The following MGAT4C variants were observed in gnomAD, a reference collection of about 807,000 sequenced individuals.
MGAT4C encodes MGAT4 family member C, also known as alpha-1,3-mannosyl-glycoprotein 4-beta-N-acetylglucosaminyltransferase C.
A neutral mutation model predicts 40.1 loss-of-function variants in MGAT4C; 19 were observed. That is an observed-to-expected ratio of 0.47 (90% confidence interval 0.33 to 0.70). The LOEUF is 0.70. Ranked by LOEUF, MGAT4C falls within the 30% of genes least tolerant of loss-of-function variation. The pLI, the probability that MGAT4C is intolerant of heterozygous loss-of-function variation, is 0.02. For missense variants in MGAT4C, 491 were observed against 563.2 expected (o/e 0.87, Z 1.30); for synonymous variants, 181 against 187.1 (o/e 0.97, Z 0.27).
At chr12:86,401,449 T>G (rs1180309514) in intron 3 of MGAT4C, among the ~76,000 whole-genome samples, 3 of 152,134 alleles carry the variant, frequency 2.0e-5, no homozygotes, top group Non-Finnish European at 4.4e-5. Context: ...TTTTTCAATG[T>G]TACCATGTCA....
chr12:86,830,716 G>GAAACAAACAAAC (rs3050182), intron 1 of MGAT4C, among the ~76,000 whole-genome samples: 27 of 149,714 alleles, frequency 1.8e-4, no homozygotes, highest in Non-Finnish European at 3.1e-4. Context: ...GGCTCCTAAT[G>GAAACAAACAAAC]AAACAAACAA....
rs889250481 is a variant in MGAT4C at position 86,216,115 on chromosome 12, T to A, written c.-57+40124A>T. Among the ~76,000 whole-genome samples, 70 of 152,166 alleles carry A rather than the reference T, an allele frequency of 4.6e-4. 1 individual carries two copies. The highest frequency in any genetic ancestry group is 1.2e-3 in the African/African-American group (49 of 41,462). On this transcript the variant is annotated intron_variant, in intron 1 of 4. Transcript: ENST00000611864. ...TTTTCTGGGATACTGGCTAACTTTA[T>A]GTACAAAAATTATGAGCCCAGAATT... is the stretch of plus-strand genomic sequence containing the variant.
In MGAT4C at chr12:86,623,548, A is replaced by G. The variant is rs191157406; in HGVS notation, c.-229+103661T>C. ...TGGGCCAATATTTTAAAGAACTGACAGAAAACTACTAGTATTAATTTTTTT... is the reference window on the plus strand; with the variant it reads ...TGGGCCAATATTTTAAAGAACTGACGGAAAACTACTAGTATTAATTTTTTT... On this transcript the variant is annotated intron_variant, in intron 2 of 7. Transcript: ENST00000548651. Among the ~76,000 whole-genome samples, 460 of 152,312 alleles carry G rather than the reference A, an allele frequency of 3.0e-3. 2 individuals are homozygous for G. Among genetic ancestry groups the G allele is most frequent in the African/African-American group, 0.011 (439 of 41,578 alleles).
intron 2 of MGAT4C, among the ~76,000 whole-genome samples, chr12:86,643,149 T>C (rs1444583009): frequency 2.0e-5 from 3 of 151,568 alleles, no homozygotes; most frequent in East Asian, 3.9e-4. Context: ...GCAAGGGAGA[T>C]AGAGATGGCC....
At chr12:86,828,183 T>G (rs1459566944) in intron 1 of MGAT4C, among the ~76,000 whole-genome samples, 1 of 151,082 alleles carries the variant, frequency 6.6e-6, no homozygotes, top group Non-Finnish European at 1.5e-5. Flanking sequence ...TATTTGTAGA[T>G]TTTTGTCTAT....
intron 2 of MGAT4C, among the ~76,000 whole-genome samples, chr12:86,046,841 C>A (rs1892443971): frequency 6.6e-6 from 1 of 152,098 alleles, no homozygotes; most frequent in South Asian, 2.1e-4. Flanking sequence ...GTATGACACT[C>A]CAGCAGTCTT....
chr12:86,201,448 T>C (rs534391258), intron 1 of MGAT4C, among the ~76,000 whole-genome samples: 15 of 78,858 alleles, frequency 1.9e-4, no homozygotes, highest in African/African-American at 5.3e-4. Flanking sequence ...ATTTTAAAAT[T>C]ATATTTACAT....
chr12:86,010,416 C>T (rs537021611), intron 2 of MGAT4C, among the ~76,000 whole-genome samples: 1 of 152,170 alleles, frequency 6.6e-6, no homozygotes, highest in Non-Finnish European at 1.5e-5. Context: ...CATGGTGGCT[C>T]ATGCCTATAA....
intron 2 of MGAT4C, among the ~76,000 whole-genome samples, chr12:86,595,908 A>C (rs1166733691): frequency 6.6e-6 from 1 of 151,902 alleles, no homozygotes; most frequent in East Asian, 1.9e-4. Context: ...CAGTATCACC[A>C]CCTCCAGTCT....
chr12:85,967,864 T>C lies in MGAT4C; in HGVS notation c.*11425A>G, dbSNP rs1317746370. ...ACATAATTTACACTATTCACAGTCC[T>C]TGTTTTTCTTGACTCAAATAGCTAT... On this transcript the variant is annotated 3_prime_UTR_variant, in exon 5 of 5. Coordinates refer to ENST00000611864, the MANE Select transcript of MGAT4C (RefSeq NM_001351288.2). 2.0e-5 allele frequency: 3 copies of C among 152,106 alleles called. No individual in the cohort carries two copies. The highest frequency in any genetic ancestry group is 7.2e-5 in the African/African-American group (3 of 41,460). The allele number at this position is 152,106 out of a possible 1,614,324, so 9.4% of individuals were successfully genotyped here.
intron 1 of MGAT4C, among the ~76,000 whole-genome samples, chr12:86,175,039 A>G (rs1435737765): frequency 6.6e-6 from 1 of 152,118 alleles, no homozygotes; most frequent in East Asian, 1.9e-4. Context: ...GTCCACAGAA[A>G]TGATTTCAAT....
intron 2 of MGAT4C, among the ~76,000 whole-genome samples, chr12:86,637,985 T>C (rs554259946): frequency 2.6e-5 from 4 of 151,958 alleles, no homozygotes; most frequent in Non-Finnish European, 5.9e-5. Context: ...TCAGAGAACA[T>C]GGCCAAGCAG....
At chr12:86,031,174 A>C (rs1463961936) in intron 2 of MGAT4C, among the ~76,000 whole-genome samples, 1 of 151,762 alleles carries the variant, frequency 6.6e-6, no homozygotes, top group African/African-American at 2.4e-5. Context: ...TATGAAATAC[A>C]TGCATCTTAA....
chr12:86,023,898 CTTT>C (rs1173107617), intron 2 of MGAT4C, among the ~76,000 whole-genome samples: 1 of 151,512 alleles, frequency 6.6e-6, no homozygotes, highest in Non-Finnish European at 1.5e-5. Flanking sequence ...TGATTTTTTT[CTTT>C]ATCTTTAAAA....
At chr12:86,774,355 C>CTTTCTTTTTCTTT (rs1212187906) in intron 1 of MGAT4C, among the ~76,000 whole-genome samples, 1 of 20,402 alleles carries the variant, frequency 4.9e-5, no homozygotes, top group Non-Finnish European at 1.7e-4. Flanking sequence ...CTCTCTCTCC[C>CTTTCTTTTTCTTT]CTCTCTCTCT....
intron 2 of MGAT4C, among the ~76,000 whole-genome samples, chr12:86,448,740 AGTGTTTAACTCAACTTTATGT>A (rs1369215536): frequency 1.3e-5 from 2 of 152,234 alleles, no homozygotes; most frequent in Non-Finnish European, 2.9e-5. Context: ...GCAAGGAGAT[AGTGTTTAACTCAACTTTATGT>A]GTGTTTAACT....
intron 1 of MGAT4C, among the ~76,000 whole-genome samples, chr12:86,179,703 T>C (rs187669971): frequency 3.0e-4 from 45 of 152,240 alleles, no homozygotes; most frequent in African/African-American, 1.1e-3. Flanking sequence ...AACTTTGAAC[T>C]TGACAGGGAT....
intron 1 of MGAT4C, among the ~76,000 whole-genome samples, chr12:86,097,849 T>C (rs527983527): frequency 6.6e-6 from 1 of 151,408 alleles, no homozygotes; most frequent in East Asian, 2.0e-4. Flanking sequence ...GAAATGCTTG[T>C]GTTATATATG....
Position 86,510,005 on chromosome 12 carries a change from A to G in MGAT4C, c.-228-74740T>C, listed in dbSNP as rs541806856. 1.6e-4 allele frequency among the ~76,000 whole-genome samples: 24 copies of G among 152,274 alleles called. No homozygotes were observed. In the East Asian group the frequency reaches 4.1e-3, roughly 26 times the overall value. On this transcript the variant is annotated intron_variant, in intron 2 of 7. Transcript: ENST00000548651. ...CTAGATATACAGTCATGTCGTCTGC[A>G]AACAGGGACAATTTGACTTCCTCTT... is the stretch of plus-strand genomic sequence containing the variant.
Sources: allele counts gnomAD v4.1 joint callset (sites outside exome capture counted in the v4.1 genomes callset), GRCh38; gene constraint gnomAD v4.1.1; transcripts MANE v1.5; gene names NCBI Gene and HGNC (gene_info 2026-07-23, HGNC 2026-07-21).